DPH6: variants seen among roughly 807,000 people sequenced by gnomAD.
The protein encoded by DPH6 is diphthamine biosynthesis 6.
In DPH6, 33 loss-of-function variants were observed where a neutral mutation model predicts 38.2. The observed-to-expected ratio is 0.86, with a 90% CI of 0.65 to 1.15. DPH6 has a LOEUF of 1.15. DPH6 is among the 50% of genes most tolerant of loss of function. The pLI is 0.00. For missense variants in DPH6, 325 were observed against 320.0 expected (o/e 1.02, Z -0.12); for synonymous variants, 108 against 103.0 (o/e 1.05, Z -0.30).
the DPH6 span, among the ~76,000 whole-genome samples, chr15:35,198,054 T>C: frequency 1.3e-5 from 2 of 151,954 alleles, no homozygotes; most frequent in Non-Finnish European, 2.9e-5. Flanking sequence ...CAAGCAAAAC[T>C]AATCTCAAGC....
intron 3 of DPH6, among the ~76,000 whole-genome samples, chr15:35,527,448 C>G (rs969540363): frequency 6.6e-6 from 1 of 152,088 alleles, no homozygotes; most frequent in Admixed American, 6.6e-5. Context: ...AATATAATCC[C>G]TATTCCTCAA....
chr15:35,529,852 C>T lies in DPH6; in HGVS notation c.312+8422G>A, dbSNP rs114781914. On this transcript the variant is annotated intron_variant, in intron 3 of 8. Coordinates refer to ENST00000256538, the MANE Select transcript of DPH6 (RefSeq NM_080650.4). ...TCTTTATTCACTCAATATTTTCCCACATCAGCACATCACAGAACAAGCTCC... is the reference window on the plus strand; with the variant it reads ...TCTTTATTCACTCAATATTTTCCCATATCAGCACATCACAGAACAAGCTCC... 3.2e-3 allele frequency among the ~76,000 whole-genome samples: 491 copies of T among 152,196 alleles called. 4 individuals are homozygous for T. Among genetic ancestry groups the T allele is most frequent in the African/African-American group, 0.012 (479 of 41,536 alleles).
intron 3 of DPH6, among the ~76,000 whole-genome samples, chr15:35,477,524 T>G (rs1885315554): frequency 6.6e-6 from 1 of 151,878 alleles, no homozygotes; most frequent in Non-Finnish European, 1.5e-5. Flanking sequence ...GATAGTATGA[T>G]GCATTGGTTC....
chr15:35,372,099 AT>A lies in DPH6; in HGVS notation c.*50del, dbSNP rs995089041. On this transcript the variant is annotated 3_prime_UTR_variant, in exon 9 of 9. Coordinates refer to ENST00000256538, the MANE Select transcript of DPH6 (RefSeq NM_080650.4). ...ATAGTAACTGAGAAAATACTATGCAATTTTTTTGTATAGAAATGGTGGTTTA... is the reference window on the plus strand; with the variant it reads ...ATAGTAACTGAGAAAATACTATGCAATTTTTTGTATAGAAATGGTGGTTTA... 10 of 1,484,328 alleles carry A rather than the reference AT, an allele frequency of 6.7e-6. No homozygotes were observed. Among genetic ancestry groups the A allele is most frequent in the Non-Finnish European group, 5.3e-6 (6 of 1,122,470 alleles). 91.9% of individuals were successfully genotyped at this position (1,484,328 alleles called of 1,614,324 possible).
At chr15:35,540,953 G>A (rs965963962) in intron 2 of DPH6, among the ~76,000 whole-genome samples, 15 of 152,096 alleles carry the variant, frequency 9.9e-5, no homozygotes, top group Non-Finnish European at 1.5e-5. Flanking sequence ...GGCCACAAGG[G>A]ATAAGGGAGT....
At chr15:35,501,956 A>G (rs547222678) in intron 3 of DPH6, among the ~76,000 whole-genome samples, 9 of 152,300 alleles carry the variant, frequency 5.9e-5, no homozygotes, top group South Asian at 2.1e-4. Flanking sequence ...TAGGTAGTAG[A>G]TGTTAGCAAC....
intron 3 of DPH6, chr15:35,237,680 G>C: frequency 6.2e-7 from 1 of 1,613,872 alleles, no homozygotes; most frequent in South Asian, 1.1e-5. Flanking sequence ...CAAGAGCTTA[G>C]ACCTTTTCAA....
intron 3 of DPH6, among the ~76,000 whole-genome samples, chr15:35,510,281 G>T (rs772952339): frequency 6.6e-6 from 1 of 152,096 alleles, no homozygotes; most frequent in African/African-American, 2.4e-5. Flanking sequence ...CAAATAATGG[G>T]CCAGCCTGCA....
chr15:35,238,860 C>A (rs182325482), intron 3 of DPH6, among the ~76,000 whole-genome samples: 23 of 150,960 alleles, frequency 1.5e-4, no homozygotes, highest in African/African-American at 5.1e-4. Context: ...CACCTTGTGA[C>A]CCCTGCCCCT....
the DPH6 span, among the ~76,000 whole-genome samples, chr15:35,195,288 T>C: frequency 6.6e-6 from 1 of 152,230 alleles, no homozygotes; most frequent in Non-Finnish European, 1.5e-5. Flanking sequence ...TGTGTACATA[T>C]AGCACATTTT....
At chr15:35,219,057 C>T (rs1262267736) in exon 4 of DPH6, 7 of 152,004 alleles carry the variant, frequency 4.6e-5, no homozygotes, top group South Asian at 2.1e-4. Flanking sequence ...TTTAAAAATG[C>T]TCTTAAAATA....
At chr15:35,378,167 G>A (rs958678928) in intron 7 of DPH6, among the ~76,000 whole-genome samples, 27 of 152,190 alleles carry the variant, frequency 1.8e-4, no homozygotes, top group African/African-American at 6.3e-4. Context: ...GTGGGCAAAG[G>A]ATATAAACAT....
chr15:35,464,123 G>A (rs957485186), intron 3 of DPH6, among the ~76,000 whole-genome samples: 1 of 151,996 alleles, frequency 6.6e-6, no homozygotes, highest in African/African-American at 2.4e-5. Flanking sequence ...GTAAAACCCT[G>A]TCTCTACTAA....
chr15:35,441,113 C>T (rs575148644), intron 5 of DPH6, among the ~76,000 whole-genome samples: 10 of 152,224 alleles, frequency 6.6e-5, no homozygotes, highest in Admixed American at 1.3e-4. Flanking sequence ...CAATGAGATA[C>T]CATCTCATGC....
intron 5 of DPH6, among the ~76,000 whole-genome samples, chr15:35,439,722 G>A (rs1041209269): frequency 6.6e-6 from 1 of 151,592 alleles, no homozygotes; most frequent in African/African-American, 2.4e-5. Flanking sequence ...AAGAAGAGAG[G>A]AGTTCACCCA....
chr15:35,453,510 T>G (rs1595378792), intron 4 of DPH6, among the ~76,000 whole-genome samples: 1 of 152,312 alleles, frequency 6.6e-6, no homozygotes, highest in South Asian at 2.1e-4. Flanking sequence ...ATGTCTGGCT[T>G]AAGGGATATG....
intron 3 of DPH6, among the ~76,000 whole-genome samples, chr15:35,230,460 T>A (rs2051509533): frequency 6.6e-6 from 1 of 151,984 alleles, no homozygotes; most frequent in Admixed American, 6.6e-5. Flanking sequence ...AAAAATGCCA[T>A]CCAAAAGCGA....
intron 3 of DPH6, among the ~76,000 whole-genome samples, chr15:35,476,786 A>T (rs1023572097): frequency 6.6e-6 from 1 of 151,876 alleles, no homozygotes; most frequent in African/African-American, 2.4e-5. Context: ...AGTGTATTAT[A>T]AGTAACAATG....
At chr15:35,298,745 C>G in intron 3 of DPH6, 6 of 1,545,142 alleles carry the variant, frequency 3.9e-6, no homozygotes, top group Non-Finnish European at 5.4e-6. Flanking sequence ...CGCCACCGTG[C>G]CCCCCAAGTT....
Sources: allele counts gnomAD v4.1 joint callset (sites outside exome capture counted in the v4.1 genomes callset), GRCh38; gene constraint gnomAD v4.1.1; transcripts MANE v1.5; gene names NCBI Gene and HGNC (gene_info 2026-07-23, HGNC 2026-07-21).